COL5A2: variants seen among roughly 807,000 people sequenced by gnomAD.
COL5A2 encodes collagen type V alpha 2 chain, also known as collagen alpha-2(V) chain.
Under a neutral mutation model 208.2 loss-of-function variants are expected in COL5A2, and 23 were observed. The ratio of observed to expected loss-of-function variants is 0.11; its 90% CI spans 0.08 to 0.16. The LOEUF is 0.16. COL5A2 is among the 10% of genes least tolerant of loss of function. The probability of loss-of-function intolerance (pLI) is 1.00; values close to 1 mark genes in which losing one functional copy is unlikely to be tolerated. For missense variants in COL5A2, 1,590 were observed against 1,956.4 expected, an observed-to-expected ratio of 0.81 and a Z score of 3.53; for synonymous variants, 625 against 628.5, an observed-to-expected ratio of 0.99 and a Z score of 0.08.
At chr2:189,085,642 T>G in intron 10 of COL5A2, 77 bp downstream of exon 10, 1 of 1,264,058 alleles carries the variant, frequency 7.9e-7, no homozygotes, top group Non-Finnish European at 1.2e-6. Flanking sequence ...CCTGGGAAGA[T>G]AAATAACTCA....
At position 189,094,588 on chromosome 2, in the gene COL5A2, GACACACACACACACAC is replaced by G. The variant is rs1175370532; in HGVS notation, c.457-2184_457-2169del. Among the ~76,000 whole-genome samples, 19 of 11,688 alleles carry G rather than the reference GACACACACACACACAC, an allele frequency of 1.6e-3. 1 individual carries two copies. The highest frequency in any genetic ancestry group is 2.8e-3 in the African/African-American group (16 of 5,636). The allele number at this position is 11,688 out of a possible 152,430, so 7.7% of individuals were successfully genotyped here. A position where few individuals can be genotyped will look rare whatever the true frequency, so the allele number is the denominator to read the frequency against. On this transcript the variant is annotated intron_variant, in intron 6 of 53. Transcript: ENST00000374866. ...TTTCTCTCTCTCTCTCTTTCTCTCTGACACACACACACACACACACACACACACACACACACACACA... is the reference window on the plus strand; with the variant it reads ...TTTCTCTCTCTCTCTCTTTCTCTCTGACACACACACACACACACACACACA...
chr2:189,134,560 G>A (rs1687790405), intron 1 of COL5A2, among the ~76,000 whole-genome samples: 1 of 152,202 alleles, frequency 6.6e-6, no homozygotes, highest in South Asian at 2.1e-4. Context: ...CTGCACTCCA[G>A]CCTGGGAAAT....
chr2:189,179,782 G>A, upstream of COL5A2: 2 of 992,732 alleles, frequency 2.0e-6, no homozygotes, highest in Non-Finnish European at 3.0e-6. Flanking sequence ...TTCAAGCGAT[G>A]CAGCTTTAAA....
chr2:189,152,553 T>C (rs1199156124), intron 1 of COL5A2, among the ~76,000 whole-genome samples: 3 of 152,298 alleles, frequency 2.0e-5, no homozygotes, highest in African/African-American at 7.2e-5. Context: ...AGGTGTGGAA[T>C]GAGCTAGTTC....
At chr2:189,085,604 T>C (rs1242890171) in intron 10 of COL5A2, 115 bp downstream of exon 10, 7 of 848,686 alleles carry the variant, frequency 8.2e-6, no homozygotes, top group African/African-American at 1.7e-5. Flanking sequence ...CCAAACTGGA[T>C]TGTTATTTCT....
At chr2:189,076,643 A>AGG (rs1576510872) in intron 16 of COL5A2, among the ~76,000 whole-genome samples, 1 of 152,320 alleles carries the variant, frequency 6.6e-6, no homozygotes, top group East Asian at 1.9e-4. Context: ...TATCAGGCCA[A>AGG]GCACAGGGCT....
intron 1 of COL5A2, among the ~76,000 whole-genome samples, chr2:189,149,527 G>A (rs1019471771): frequency 1.3e-5 from 2 of 152,110 alleles, no homozygotes; most frequent in East Asian, 3.9e-4. Context: ...TTCATTTGCA[G>A]AGGTCTTGTG....
chr2:189,146,325 T>G (rs1165621252), intron 1 of COL5A2, among the ~76,000 whole-genome samples: 1 of 152,114 alleles, frequency 6.6e-6, no homozygotes, highest in East Asian at 1.9e-4. Context: ...CAAAATTATC[T>G]AAATAGTGTA....
the COL5A2 span, among the ~76,000 whole-genome samples, chr2:189,395,031 T>A: frequency 5.3e-5 from 8 of 152,162 alleles, no homozygotes; most frequent in Non-Finnish European, 1.2e-4. Flanking sequence ...TCCACAAACC[T>A]CCTGGATAAA....
chr2:189,310,737 A>G, the COL5A2 span, among the ~76,000 whole-genome samples: 5,605 of 14,042 alleles, frequency 0.4, 117 homozygotes, highest in Middle Eastern at 0.5. Flanking sequence ...GTACTATCAA[A>G]CCAAAAAAAA....
intron 1 of COL5A2, among the ~76,000 whole-genome samples, chr2:189,152,243 C>T (rs974377974): frequency 2.6e-5 from 4 of 152,152 alleles, no homozygotes; most frequent in East Asian, 1.9e-4. Flanking sequence ...TGATGCAGCT[C>T]ATAGATGAAA....
chr2:189,135,571 C>T (rs528130644), intron 1 of COL5A2, among the ~76,000 whole-genome samples: 14 of 152,122 alleles, frequency 9.2e-5, no homozygotes, highest in Non-Finnish European at 8.8e-5. Context: ...ATTCATAATC[C>T]GTAGGCTAAT....
the COL5A2 span, among the ~76,000 whole-genome samples, chr2:189,358,059 T>C: frequency 6.6e-6 from 1 of 152,156 alleles, no homozygotes; most frequent in Non-Finnish European, 1.5e-5. Context: ...CTGCACCCAC[T>C]GTCCAACCAG....
At chr2:189,082,919 A>T (rs978341421) in intron 12 of COL5A2, among the ~76,000 whole-genome samples, 2 of 152,352 alleles carry the variant, frequency 1.3e-5, no homozygotes, top group African/African-American at 4.8e-5. Flanking sequence ...GAGGAAAGAA[A>T]GCAGGGAGTT....
chr2:189,064,982 A>T (rs780010250), intron 24 of COL5A2, 22 bp downstream of exon 24: 1 of 1,612,934 alleles, frequency 6.2e-7, no homozygotes, highest in Non-Finnish European at 8.5e-7. Flanking sequence ...CGTAAGTATC[A>T]ACATTGACAG....
At position 189,159,300 on chromosome 2, in the gene COL5A2, T is replaced by C. The variant is rs146750167; in HGVS notation, c.97+20208A>G. On this transcript the variant is annotated intron_variant, in intron 1 of 53. Coordinates refer to ENST00000374866, the MANE Select transcript of COL5A2 (RefSeq NM_000393.5). ...TCTCTTCACAGGAATCTATAGCTAA[T>C]TGTATCTCTCATATTAGGTATCTAA... 6.8e-4 allele frequency among the ~76,000 whole-genome samples: 103 copies of C among 152,340 alleles called. 1 individual carries two copies. The highest frequency in any genetic ancestry group is 2.5e-3 in the African/African-American group (103 of 41,584).
At chr2:189,065,970 A>G (rs1686139523) in intron 23 of COL5A2, among the ~76,000 whole-genome samples, 1 of 152,154 alleles carries the variant, frequency 6.6e-6, no homozygotes, top group Non-Finnish European at 1.5e-5. Context: ...ACACTGACAT[A>G]TATGTGTAGT....
At chr2:189,064,076 G>A in intron 25 of COL5A2, 43 bp from the exon 26 acceptor site, 1 of 1,513,656 alleles carries the variant, frequency 6.6e-7, no homozygotes, top group South Asian at 1.1e-5. Flanking sequence ...CTGATATGCA[G>A]TTGAAGTAAA....
chr2:189,188,116 G>T lies in COL5A2; in HGVS notation c.-42+37032C>A, dbSNP rs574848537. ...TTTATATTATGTTTATTGAGATGTG[G>T]TTTACATAATTTCATCTTTTTAGGT... On this transcript the variant is annotated intron_variant, in intron 1 of 10. Coordinates refer to the COL5A2 transcript ENST00000649966. Among the ~76,000 whole-genome samples the T allele has an allele frequency of 2.6e-5, 4 of 152,106 alleles. No individual in the cohort carries two copies. In the East Asian group the frequency reaches 7.7e-4, roughly 29 times the overall value.
Sources: gnomAD v4.1 joint callset for allele counts (sites outside exome capture counted in the v4.1 genomes callset) on GRCh38, gnomAD v4.1.1 for gene constraint, MANE v1.5 for transcripts, NCBI Gene and HGNC (gene_info 2026-07-23, HGNC 2026-07-21) for gene names.